Variants in B3GNT7 observed in about 807,000 individuals in gnomAD.
B3GNT7 encodes the protein BGnT-7.
Under a neutral mutation model 5.1 loss-of-function variants are expected in B3GNT7, and 9 were observed. That is an observed-to-expected ratio of 1.77 (90% CI 1.07 to 3.09). B3GNT7 has a LOEUF of 3.09. B3GNT7 is among the 30% of genes most tolerant of loss of function. B3GNT7 has a pLI of 0.00. For missense variants in B3GNT7, 468 were observed against 550.8 expected (o/e 0.85, Z 1.50); for synonymous variants, 253 against 248.6 (o/e 1.02, Z -0.17).
chr2:231,398,911 C>G lies in B3GNT7; in HGVS notation c.1192C>G (p.Leu398Val), dbSNP rs771538984. 6.3e-7 allele frequency: 1 copy of G among 1,579,078 alleles called. No individual in the cohort carries two copies. The highest frequency in any genetic ancestry group is 1.1e-5 in the South Asian group (1 of 88,202). ...VHSNLTCSRK[L>V]QVL is the part of the protein sequence containing the mutation. ...CAGCAATCTCACCTGCTCCCGCAAG[C>G]TCCAGGTGCTCTGACCCCAGCCGGG... The change falls in exon 2 of 2, where the codon CTC becomes GTC. Residue 398 changes from leucine (L) to valine (V), a missense_variant. Leu to Val is a conservative substitution (Grantham distance 32). Coordinates refer to ENST00000287590, the MANE Select transcript of B3GNT7 (RefSeq NM_145236.3).
rs1378696460 is a variant in B3GNT7, at chr2:231,397,840, C to G, written c.121C>G (p.Pro41Ala). The G allele has an allele frequency of 6.2e-7, 1 of 1,613,834 alleles. No individual in the cohort carries two copies. Among genetic ancestry groups the G allele is most frequent in the Non-Finnish European group, 8.5e-7 (1 of 1,179,896 alleles). The change falls in exon 2 of 2, where the codon CCC (proline) becomes GCC (alanine). Residue 41 changes from proline to alanine, a missense_variant. Physicochemically the swap from Pro to Ala is conservative, Grantham distance 27. Transcript: ENST00000287590. ...PGQFLQEPPP[P>A]TLEPQKAQKP... is the part of the protein sequence containing the mutation. Reference sequence around the variant, plus strand: ...TCAGTTTCTGCAGGAGCCTCCGCCACCCACCCTGGAGCCACAGAAGGCCCA... The same window carrying G: ...TCAGTTTCTGCAGGAGCCTCCGCCAGCCACCCTGGAGCCACAGAAGGCCCA...
Position 231,396,667 on chromosome 2 carries a change from C to G in B3GNT7, c.11+853C>G, listed in dbSNP as rs147259718. Among the ~76,000 whole-genome samples, 4 of 152,326 alleles carry G rather than the reference C, an allele frequency of 2.6e-5. No individual in the cohort carries two copies. In the East Asian group the frequency reaches 7.7e-4, roughly 29 times the overall value. On this transcript the variant is annotated intron_variant, in intron 1 of 1. Transcript: ENST00000287590. ...TCCCCCTTGGAGGTCAGCGCCATCT[C>G]TCTGCTAGGCTGGCCCTGGAAGGCC...
chr2:231,397,835 C>A lies in B3GNT7; in HGVS notation c.116C>A (p.Pro39Gln). The A allele has an allele frequency of 6.2e-7, 1 of 1,613,788 alleles. No homozygotes were observed. The highest frequency in any genetic ancestry group is 8.5e-7 in the Non-Finnish European group (1 of 1,179,896). Reference sequence around the variant, plus strand: ...CCTGGTCAGTTTCTGCAGGAGCCTCCGCCACCCACCCTGGAGCCACAGAAG... The same window carrying A: ...CCTGGTCAGTTTCTGCAGGAGCCTCAGCCACCCACCCTGGAGCCACAGAAG... ...LTPGQFLQEP[P>Q]PPTLEPQKAQ... Residue 39 changes from proline (P) to glutamine (Q), a missense_variant, in exon 2 of 2, where the codon CCG (proline) becomes CAG (glutamine). Physicochemically the swap from Pro to Gln is moderately conservative, Grantham distance 76. Transcript: ENST00000287590.
intron 1 of B3GNT7, 21 bp from the exon 2 acceptor site, chr2:231,397,710 A>C: frequency 6.3e-7 from 1 of 1,590,418 alleles, no homozygotes; most frequent in Non-Finnish European, 8.6e-7. Context: ...TCTCCTCTGT[A>C]CTGTCCGCTC....
chr2:231,396,173 C>T (rs927791122), intron 1 of B3GNT7, among the ~76,000 whole-genome samples: 1 of 152,106 alleles, frequency 6.6e-6, no homozygotes, highest in Non-Finnish European at 1.5e-5. Context: ...CCCCCTGCGT[C>T]CGGGCCACTC....
Position 231,400,480 on chromosome 2 carries a change from C to T in B3GNT7, c.*1555C>T, listed in dbSNP as rs1047182725. 1 of 152,244 alleles carries T rather than the reference C, an allele frequency of 6.6e-6. No individual in the cohort carries two copies. The highest frequency in any genetic ancestry group is 1.5e-5 in the Non-Finnish European group (1 of 68,092). The allele number at this position is 152,244 out of a possible 1,614,324, so 9.4% of individuals were successfully genotyped here. ...TCGGCCGTACAGAGGCCGGTGGGCT[C>T]CCTGACATCCCTTCCAGGCAACCTG... is the stretch of plus-strand genomic sequence containing the variant. On this transcript the variant is annotated 3_prime_UTR_variant, in exon 2 of 2. Transcript: ENST00000287590.
Position 231,395,868 on chromosome 2 carries a change from TC to T in B3GNT7, c.11+59del. On this transcript the variant is annotated intron_variant, in intron 1 of 1. Coordinates refer to ENST00000287590, the MANE Select transcript of B3GNT7 (RefSeq NM_145236.3). This position sits in a 1 kb window ranked among gnomAD's most constrained non-coding sequence, Gnocchi z 7.3. ...CTGGGCGGGGGCGTGGGCCCGGGGC[TC>T]CCCCTCCTCCGTGGCCACAGACGGG... 3 of 1,100,022 alleles carry T rather than the reference TC, an allele frequency of 2.7e-6. No individual in the cohort carries two copies. Among genetic ancestry groups the T allele is most frequent in the Non-Finnish European group, 3.4e-6 (3 of 889,138 alleles). 68.1% of individuals were successfully genotyped at this position (1,100,022 alleles called of 1,614,324 possible). A position where few individuals can be genotyped will look rare whatever the true frequency, so the allele number is the denominator to read the frequency against.
Position 231,399,088 on chromosome 2 carries a change from G to T in B3GNT7, c.*163G>T. 7.8e-6 allele frequency: 5 copies of T among 637,302 alleles called. No individual in the cohort carries two copies. The South Asian group carries it at 9.9e-5, about 13-fold the overall frequency. The allele number at this position is 637,302 out of a possible 1,614,324, so 39.5% of individuals were successfully genotyped here. ...GTGGTGGGGTGCAGGTAGCCAGAAA[G>T]GGACCTCCCTGTGTGGATAATTCTA... On this transcript the variant is annotated 3_prime_UTR_variant, in exon 2 of 2. Transcript: ENST00000287590.
In B3GNT7 at chr2:231,397,822, C is replaced by T; in HGVS notation, c.103C>T (p.Leu35=). The change falls in exon 2 of 2, where the codon CTG becomes TTG. Residue 35 remains leucine, a synonymous_variant. Coordinates refer to ENST00000287590, the MANE Select transcript of B3GNT7 (RefSeq NM_145236.3). The stretch of plus-strand genomic sequence containing the variant: ...ACGCAGTCTCACCCCTGGTCAGTTT[C>T]TGCAGGAGCCTCCGCCACCCACCCT... ...FQRSLTPGQF[L]QEPPPPTLEP... is the part of the protein sequence containing the mutation. 1.2e-6 allele frequency: 2 copies of T among 1,613,810 alleles called. No individual in the cohort carries two copies. The highest frequency in any genetic ancestry group is 2.7e-5 in the African/African-American group (2 of 75,068).
intron 1 of B3GNT7, among the ~76,000 whole-genome samples, chr2:231,396,164 C>G (rs1002382179): frequency 6.6e-6 from 1 of 152,074 alleles, no homozygotes; most frequent in Admixed American, 6.5e-5. Flanking sequence ...CCCTGAGGGC[C>G]CCCTGCGTCC....
In B3GNT7 at chr2:231,398,115, C is replaced by T. The variant is rs539226040; in HGVS notation, c.396C>T (p.Gly132=). 1.9e-5 allele frequency: 31 copies of T among 1,608,526 alleles called. No individual in the cohort carries two copies. The highest frequency in any genetic ancestry group is 5.3e-5 in the African/African-American group (4 of 74,876). ...MLLNHPEKCR[G]DVYLLVVVKS... ...TGAACCACCCGGAGAAGTGCAGGGG[C>T]GATGTCTACCTGCTGGTGGTTGTCA... The change falls in exon 2 of 2, where the codon GGC becomes GGT. Residue 132 remains glycine, a synonymous_variant. Transcript: ENST00000287590.
Position 231,398,818 on chromosome 2 carries a change from T to C in B3GNT7, c.1099T>C (p.Phe367Leu). The part of the protein sequence containing the change: ...NSRMNKEPCF[F>L]RAMLVVHKLL... Reference sequence around the variant, plus strand: ...CCGCATGAACAAGGAGCCGTGCTTTTTCCGCGCCATGCTCGTGGTGCACAA... The same window carrying C: ...CCGCATGAACAAGGAGCCGTGCTTTCTCCGCGCCATGCTCGTGGTGCACAA... The change falls in exon 2 of 2, where the codon TTC becomes CTC. Residue 367 changes from phenylalanine (F) to leucine (L), a missense_variant. Physicochemically the swap from Phe to Leu is conservative, Grantham distance 22. Coordinates refer to ENST00000287590, the MANE Select transcript of B3GNT7 (RefSeq NM_145236.3). 1 of 1,604,240 alleles carries C rather than the reference T, an allele frequency of 6.2e-7. No individual in the cohort carries two copies. Among genetic ancestry groups the C allele is most frequent in the Non-Finnish European group, 8.5e-7 (1 of 1,179,802 alleles).
In B3GNT7 at chr2:231,398,344, C is replaced by G. The variant is rs1559527368; in HGVS notation, c.625C>G (p.Leu209Val). 1 of 1,613,596 alleles carries G rather than the reference C, an allele frequency of 6.2e-7. No homozygotes were observed. The highest frequency in any genetic ancestry group is 8.5e-7 in the Non-Finnish European group (1 of 1,179,904). ...CGGCGACATCCTGCAGTGGGGCTTT[C>G]TCGACACCTTCTTCAACCTGACCCT... The part of the protein sequence containing the change: ...LYGDILQWGF[L>V]DTFFNLTLKE... The change falls in exon 2 of 2, where the codon CTC becomes GTC. Residue 209 changes from leucine (L) to valine (V), a missense_variant. By Grantham distance (32) the Leu-to-Val change is conservative (BLOSUM62 1). Transcript: ENST00000287590.
intron 1 of B3GNT7, among the ~76,000 whole-genome samples, chr2:231,396,946 G>C (rs182853921): frequency 1.3e-5 from 2 of 152,300 alleles, no homozygotes; most frequent in Admixed American, 1.3e-4. Flanking sequence ...CTGCAAATGT[G>C]CCCCCTCCCA....
Position 231,397,968 on chromosome 2 carries a change from CG to C in B3GNT7, c.250del (p.Val84Ter). ...CCTCTCAGGGGCCCCAGGCCTGGGA[CG>C]TGACCACCACTAACTGCTCAGCCAA... ...MASQGPQAWD[V>X]TTTNCSANIN... On this transcript the variant is annotated frameshift_variant, in exon 2 of 2. Transcript: ENST00000287590. LOFTEE classifies it low-confidence loss of function (END_TRUNC). 1 of 1,612,286 alleles carries C rather than the reference CG, an allele frequency of 6.2e-7. No individual in the cohort carries two copies. Among genetic ancestry groups the C allele is most frequent in the East Asian group, 2.2e-5 (1 of 44,884 alleles).
At position 231,399,221 on chromosome 2, in the gene B3GNT7, C is replaced by T; in HGVS notation, c.*296C>T. 1 of 438,360 alleles carries T rather than the reference C, an allele frequency of 2.3e-6. No homozygotes were observed. The highest frequency in any genetic ancestry group is 4.1e-6 in the Non-Finnish European group (1 of 242,760). The allele number at this position is 438,360 out of a possible 1,614,324, so 27.2% of individuals were successfully genotyped here. ...TCCTGACCTGGGTCCGTTGCTGGCC[C>T]CCTCAGATGTGGTGGGAGGTCCTGG... On this transcript the variant is annotated 3_prime_UTR_variant, in exon 2 of 2. Coordinates refer to ENST00000287590, the MANE Select transcript of B3GNT7 (RefSeq NM_145236.3).
chr2:231,397,163 T>C (rs2046522416), intron 1 of B3GNT7: 1 of 985,020 alleles, frequency 1.0e-6, no homozygotes, highest in African/African-American at 1.7e-5. Flanking sequence ...CGAGCCACTC[T>C]CCAATGTGCC....
At position 231,395,795 on chromosome 2, in the gene B3GNT7, C is replaced by T. The variant is rs2046507310; in HGVS notation, c.-9C>T. ...CGCTCGCCCCTCCGCCGCTCCGGCC[C>T]GGGCCGCCATGTCGCTGTGGTGAGT... On this transcript the variant is annotated 5_prime_UTR_variant, in exon 1 of 2. Coordinates refer to ENST00000287590, the MANE Select transcript of B3GNT7 (RefSeq NM_145236.3). This position sits in a 1 kb window ranked among gnomAD's most constrained non-coding sequence, Gnocchi z 7.3. 7.7e-6 allele frequency: 9 copies of T among 1,169,890 alleles called. No homozygotes were observed. In the Admixed American group the frequency reaches 3.7e-4, roughly 48 times the overall value. The allele number at this position is 1,169,890 out of a possible 1,614,324, so 72.5% of individuals were successfully genotyped here. A position where few individuals can be genotyped will look rare whatever the true frequency, so the allele number is the denominator to read the frequency against.
Position 231,398,406 on chromosome 2 carries a change from C to T in B3GNT7, c.687C>T (p.Tyr229=). The change falls in exon 2 of 2, where the codon TAC becomes TAT. Residue 229 remains tyrosine, a synonymous_variant. Coordinates refer to ENST00000287590, the MANE Select transcript of B3GNT7 (RefSeq NM_145236.3). The stretch of plus-strand genomic sequence containing the variant: ...ACTTCCTCAAGTGGCTGGACATCTA[C>T]TGCCCCCACGTCCCCTTCATTTTCA... ...EIHFLKWLDI[Y]CPHVPFIFKG... The T allele has an allele frequency of 1.2e-6, 2 of 1,613,734 alleles. No homozygotes were observed. Among genetic ancestry groups the T allele is most frequent in the East Asian group, 2.2e-5 (1 of 44,876 alleles).
Sources: allele counts gnomAD v4.1 joint callset (sites outside exome capture counted in the v4.1 genomes callset), GRCh38; gene constraint gnomAD v4.1.1; non-coding constraint Gnocchi (gnomAD v3.1); transcripts MANE v1.5; gene names NCBI Gene and HGNC (gene_info 2026-07-23, HGNC 2026-07-21).